Variants in KCNE3 observed in about 807,000 individuals in gnomAD.
KCNE3 encodes potassium voltage-gated channel subfamily E regulatory subunit 3.
Under a neutral mutation model 4.3 loss-of-function variants are expected in KCNE3, and 2 were observed. The observed-to-expected ratio is 0.47, with a 90% CI of 0.19 to 1.48. The LOEUF (loss-of-function observed/expected upper bound fraction) is 1.48, where lower values mean the gene tolerates loss of function less well. Ranked by LOEUF, KCNE3 falls within the 40% of genes most tolerant of loss-of-function variation. The pLI is 0.25. For missense variants in KCNE3, 128 were observed against 136.8 expected, an observed-to-expected ratio of 0.94 and a Z score of 0.32; for synonymous variants, 47 against 52.0, an observed-to-expected ratio of 0.90 and a Z score of 0.41.
At chr11:74,457,956 G>C (rs1863861029) in intron 2 of KCNE3, among the ~76,000 whole-genome samples, 1 of 152,204 alleles carries the variant, frequency 6.6e-6, no homozygotes, top group Non-Finnish European at 1.5e-5. Context: ...CCGTGATTGT[G>C]AGGCCTACCC....
intron 1 of KCNE3, among the ~76,000 whole-genome samples, chr11:74,463,529 A>G (rs41312355): frequency 0.026 from 3,958 of 152,236 alleles, 190 homozygotes; most frequent in African/African-American, 0.09. Context: ...TTCCCTGTCC[A>G]GGAGAGTCCC....
intron 2 of KCNE3, among the ~76,000 whole-genome samples, chr11:74,459,514 G>T (rs961107076): frequency 6.6e-6 from 1 of 151,832 alleles, no homozygotes; most frequent in Non-Finnish European, 1.5e-5. Context: ...CGCCCACCTC[G>T]GCCTCCCAAA....
chr11:74,457,249 G>T lies in KCNE3; in HGVS notation c.*3C>A. On this transcript the variant is annotated 3_prime_UTR_variant, in exon 3 of 3. Transcript: ENST00000310128. ...GGTCTTCCACCGTCCCAGCCCTCTC[G>T]TGTTAGATCATAGACACACGGTTCT... The T allele has an allele frequency of 6.2e-7, 1 of 1,613,430 alleles. No homozygotes were observed.
intron 2 of KCNE3, among the ~76,000 whole-genome samples, chr11:74,459,344 T>C (rs373327353): frequency 0.016 from 2,362 of 144,168 alleles, 57 homozygotes; most frequent in African/African-American, 0.054. Flanking sequence ...TCACTGCAAG[T>C]TCCGCCTCCT....
Position 74,457,073 on chromosome 11 carries a change from C to T in KCNE3, c.*179G>A, listed in dbSNP as rs1384418580. 3.1e-6 allele frequency: 2 copies of T among 650,814 alleles called. No homozygotes were observed. Among genetic ancestry groups the T allele is most frequent in the Admixed American group, 2.6e-5 (1 of 38,890 alleles). 40.3% of individuals were successfully genotyped at this position (650,814 alleles called of 1,614,324 possible). ...TTTCCTGGGAAAAAATCCTTATGCA[C>T]AAGGCTTCGGTCTACCAGCCCCTCT... On this transcript the variant is annotated 3_prime_UTR_variant, in exon 3 of 3. Transcript: ENST00000310128.
At chr11:74,466,658 T>G (rs1435441673) in intron 1 of KCNE3, among the ~76,000 whole-genome samples, 6 of 152,180 alleles carry the variant, frequency 3.9e-5, no homozygotes. Flanking sequence ...ACGCAAGAAC[T>G]AAACTCATTT....
At chr11:74,465,163 C>G (rs371870228) in intron 1 of KCNE3, among the ~76,000 whole-genome samples, 1 of 151,628 alleles carries the variant, frequency 6.6e-6, no homozygotes, top group Non-Finnish European at 1.5e-5. Flanking sequence ...TAACTGTGCG[C>G]TTTAAGGTAA....
chr11:74,460,036 A>G (rs1004254203), intron 2 of KCNE3, among the ~76,000 whole-genome samples: 11 of 152,244 alleles, frequency 7.2e-5, no homozygotes, highest in Admixed American at 6.5e-5. Flanking sequence ...TATTAACCAT[A>G]AGATCTCTTC....
intron 1 of KCNE3, among the ~76,000 whole-genome samples, chr11:74,465,497 G>A (rs1864041412): frequency 6.6e-6 from 1 of 152,052 alleles, no homozygotes; most frequent in South Asian, 2.1e-4. Context: ...TCAATCCAAA[G>A]GGCAAACATT....
At chr11:74,465,936 A>T (rs1046014997) in intron 1 of KCNE3, among the ~76,000 whole-genome samples, 1 of 152,110 alleles carries the variant, frequency 6.6e-6, no homozygotes, top group African/African-American at 2.4e-5. Flanking sequence ...TTCCCACTCC[A>T]GGTCTCCTAG....
Position 74,457,197 on chromosome 11 carries a change from GC to G in KCNE3, c.*54del, listed in dbSNP as rs1299362328. ...TGCAGTCCACAGCAGAGTTCTGGAG[GC>G]CCCAGACGCAATCCCCAGGTGTCTT... On this transcript the variant is annotated 3_prime_UTR_variant, in exon 3 of 3. Coordinates refer to ENST00000310128, the MANE Select transcript of KCNE3 (RefSeq NM_005472.5). The G allele has an allele frequency of 6.6e-7, 1 of 1,519,080 alleles. No individual in the cohort carries two copies. 94.1% of individuals were successfully genotyped at this position (1,519,080 alleles called of 1,614,324 possible).
intron 2 of KCNE3, among the ~76,000 whole-genome samples, chr11:74,458,571 G>A (rs1267107617): frequency 6.6e-6 from 1 of 152,206 alleles, no homozygotes. Flanking sequence ...AGTGGCTCAC[G>A]CCTGTAATCC....
At chr11:74,465,095 T>G (rs1390342963) in intron 1 of KCNE3, among the ~76,000 whole-genome samples, 1 of 142,304 alleles carries the variant, frequency 7.0e-6, no homozygotes, top group Non-Finnish European at 1.5e-5. Context: ...TATACTGTAC[T>G]GAAACTCTGT....
Position 74,456,772 on chromosome 11 carries a change from T to G in KCNE3, c.*480A>C. ...AGGCCCAAATGGGCAGCACAGCACT[T>G]GCCCTGCTTTCTTCACGGGAGCGGG... On this transcript the variant is annotated 3_prime_UTR_variant, in exon 3 of 3. Transcript: ENST00000310128. The G allele has an allele frequency of 4.5e-6, 1 of 223,596 alleles. No individual in the cohort carries two copies. The highest frequency in any genetic ancestry group is 1.2e-4 in the East Asian group (1 of 8,572). 13.9% of individuals were successfully genotyped at this position (223,596 alleles called of 1,614,324 possible). A position where few individuals can be genotyped will look rare whatever the true frequency, so the allele number is the denominator to read the frequency against.
Position 74,467,174 on chromosome 11 carries a change from A to G in KCNE3, c.-190+224T>C, listed in dbSNP as rs952526828. Among the ~76,000 whole-genome samples, 2 of 152,194 alleles carry G rather than the reference A, an allele frequency of 1.3e-5. No homozygotes were observed. Among genetic ancestry groups the G allele is most frequent in the Non-Finnish European group, 2.9e-5 (2 of 68,038 alleles). ...TTTCCAGACGGGGCGCGCAGAGCCC[A>G]GCTCCCTACTCCCACATGCTGCTCC... is the stretch of plus-strand genomic sequence containing the variant. On this transcript the variant is annotated intron_variant, in intron 1 of 2. Coordinates refer to ENST00000310128, the MANE Select transcript of KCNE3 (RefSeq NM_005472.5). The surrounding 1 kb of genome is among the most constrained non-coding windows in gnomAD (Gnocchi z 4.4).
chr11:74,465,591 T>C (rs1864043202), intron 1 of KCNE3, among the ~76,000 whole-genome samples: 1 of 152,096 alleles, frequency 6.6e-6, no homozygotes, highest in South Asian at 2.1e-4. Context: ...ACCCACCCAC[T>C]GCACACACAC....
chr11:74,463,061 C>T (rs185124751), intron 1 of KCNE3, among the ~76,000 whole-genome samples: 5 of 152,294 alleles, frequency 3.3e-5, no homozygotes, highest in African/African-American at 9.6e-5. Flanking sequence ...GACTGACTGA[C>T]ATCTAATATC....
At chr11:74,466,872 A>G (rs898306247) in intron 1 of KCNE3, among the ~76,000 whole-genome samples, 20 of 152,124 alleles carry the variant, frequency 1.3e-4, no homozygotes, top group Non-Finnish European at 2.6e-4. Flanking sequence ...GCCTCGACCT[A>G]TGTTACTGGC....
chr11:74,465,102 C>CTGTGTGTGTGTGTGTGTGTGTG (rs143869592), intron 1 of KCNE3, among the ~76,000 whole-genome samples: 1 of 150,048 alleles, frequency 6.7e-6, no homozygotes, highest in African/African-American at 2.5e-5. Context: ...TACTGAAACT[C>CTGTGTGTGTGTGTGTGTGTGTG]TGTGTGTGTG....
Sources: gnomAD v4.1 joint callset for allele counts (sites outside exome capture counted in the v4.1 genomes callset) on GRCh38, gnomAD v4.1.1 for gene constraint, Gnocchi (gnomAD v3.1) non-coding constraint, MANE v1.5 for transcripts, NCBI Gene and HGNC (gene_info 2026-07-23, HGNC 2026-07-21) for gene names.